ITPR2: variants seen among roughly 807,000 people sequenced by gnomAD.
ITPR2 encodes the protein inositol 1,4,5-trisphosphate-gated calcium channel ITPR2.
Under a neutral mutation model 317.1 loss-of-function variants are expected in ITPR2, and 207 were observed. That is an observed-to-expected ratio of 0.65 (90% CI 0.58 to 0.73). The LOEUF is 0.73. ITPR2 is among the 30% of genes least tolerant of loss of function. The pLI is 0.00. For missense variants in ITPR2, 2,613 were observed against 3,284.0 expected (o/e 0.80, Z 4.99); for synonymous variants, 1,156 against 1,149.1 (o/e 1.01, Z -0.12).
intron 55 of ITPR2, among the ~76,000 whole-genome samples, chr12:26,347,642 T>C (rs1234537636): frequency 6.6e-6 from 1 of 152,232 alleles, no homozygotes; most frequent in Non-Finnish European, 1.5e-5. Flanking sequence ...CTAATGGAGA[T>C]ATCTATGCTT....
rs186784970 is a variant in ITPR2 at position 26,487,019 on chromosome 12, C to T, written c.5554+49G>A. The T allele has an allele frequency of 1.6e-5, 24 of 1,465,332 alleles. No homozygotes were observed. In the African/African-American group the frequency reaches 2.9e-4, roughly 18 times the overall value. The allele number at this position is 1,465,332 out of a possible 1,614,324, so 90.8% of individuals were successfully genotyped here. A position where few individuals can be genotyped will look rare whatever the true frequency, so the allele number is the denominator to read the frequency against. The stretch of plus-strand genomic sequence containing the variant: ...TGTTAATGAGATTTAAACGCTATTC[C>T]CCTCTTTTCTCTCACTCTGTTCTCC... On this transcript the variant is annotated intron_variant, in intron 40 of 56. Coordinates refer to ENST00000381340, the MANE Select transcript of ITPR2 (RefSeq NM_002223.4).
Position 26,488,656 on chromosome 12 carries a change from AAAC to A in ITPR2, c.5371-1408_5371-1406del, listed in dbSNP as rs764464106. ...ACAGTCAAGCTGGTTTTGTTAATTC[AAAC>A]AACAAATGCAGCATCCACAGACCTC... On this transcript the variant is annotated intron_variant, in intron 39 of 56. Transcript: ENST00000381340. Among the ~76,000 whole-genome samples the A allele has an allele frequency of 8.0e-4, 121 of 152,198 alleles. 1 individual carries two copies. The highest frequency in any genetic ancestry group is 1.9e-4 in the Non-Finnish European group (13 of 68,030).
intron 55 of ITPR2, among the ~76,000 whole-genome samples, chr12:26,383,545 G>A (rs1019951529): frequency 2.0e-5 from 3 of 151,844 alleles, no homozygotes; most frequent in Admixed American, 6.6e-5. Flanking sequence ...GGGCAGTGGC[G>A]TGATCTCGGC....
intron 42 of ITPR2, among the ~76,000 whole-genome samples, chr12:26,482,326 G>A (rs1183771011): frequency 6.6e-6 from 1 of 152,124 alleles, no homozygotes; most frequent in African/African-American, 2.4e-5. Flanking sequence ...ATTATATGTG[G>A]GGTTCATGTT....
chr12:26,530,875 T>C (rs1371630170), intron 37 of ITPR2, among the ~76,000 whole-genome samples: 1 of 152,168 alleles, frequency 6.6e-6, no homozygotes, highest in East Asian at 1.9e-4. Context: ...GTCATAAAAA[T>C]TACATTCAGC....
chr12:26,561,641 A>G (rs1432353597), intron 35 of ITPR2, 121 bp downstream of exon 35: 1 of 772,958 alleles, frequency 1.3e-6, no homozygotes, highest in Non-Finnish European at 1.9e-6. Flanking sequence ...AGAGAGTTGT[A>G]AAGCAAGGCC....
At chr12:26,342,850 C>T (rs1938179066) in intron 55 of ITPR2, among the ~76,000 whole-genome samples, 1 of 151,892 alleles carries the variant, frequency 6.6e-6, no homozygotes, top group African/African-American at 2.4e-5. Context: ...CTCAAGTGAT[C>T]CGCCTGCCTC....
At chr12:26,602,241 G>C in intron 28 of ITPR2, 129 bp downstream of exon 28, 4 of 893,774 alleles carry the variant, frequency 4.5e-6, no homozygotes, top group Non-Finnish European at 6.7e-6. Flanking sequence ...GGGCTCAGGG[G>C]TGATGGGGCA....
At chr12:26,735,379 A>C (rs1240648295) in intron 2 of ITPR2, among the ~76,000 whole-genome samples, 1 of 152,156 alleles carries the variant, frequency 6.6e-6, no homozygotes, top group African/African-American at 2.4e-5. Context: ...TGGAACAGGA[A>C]GAGAAAGGGA....
At chr12:26,793,636 G>A (rs149312582) in intron 1 of ITPR2, among the ~76,000 whole-genome samples, 65 of 151,934 alleles carry the variant, frequency 4.3e-4, no homozygotes, top group African/African-American at 1.5e-3. Context: ...ACCATTATAG[G>A]GCCATCTTTA....
chr12:26,752,675 C>T (rs1949446776), intron 2 of ITPR2, among the ~76,000 whole-genome samples: 1 of 152,272 alleles, frequency 6.6e-6, no homozygotes, highest in South Asian at 2.1e-4. Flanking sequence ...TTGTTTTATG[C>T]CTTTACTTTC....
intron 45 of ITPR2, among the ~76,000 whole-genome samples, chr12:26,464,404 G>A (rs1254077730): frequency 1.3e-5 from 2 of 152,128 alleles, no homozygotes; most frequent in Non-Finnish European, 2.9e-5. Flanking sequence ...TTCACGACAA[G>A]GTTCACACTC....
chr12:26,529,328 C>T (rs1176575462), intron 37 of ITPR2, among the ~76,000 whole-genome samples: 1 of 152,202 alleles, frequency 6.6e-6, no homozygotes, highest in Non-Finnish European at 1.5e-5. Flanking sequence ...CTAGTGCTAC[C>T]TGTCACTGAG....
chr12:26,359,254 G>A (rs1250508065), intron 55 of ITPR2, among the ~76,000 whole-genome samples: 2 of 152,218 alleles, frequency 1.3e-5, no homozygotes, highest in Non-Finnish European at 2.9e-5. Context: ...AGGTCTGGAG[G>A]TGAGAAATAT....
intron 45 of ITPR2, among the ~76,000 whole-genome samples, chr12:26,447,944 C>T (rs1324767998): frequency 6.6e-6 from 1 of 150,692 alleles, no homozygotes; most frequent in Non-Finnish European, 1.5e-5. Flanking sequence ...TGGACTCTAG[C>T]CACATTTATC....
intron 2 of ITPR2, among the ~76,000 whole-genome samples, chr12:26,749,928 G>T (rs1230007708): frequency 6.6e-6 from 1 of 152,188 alleles, no homozygotes; most frequent in Middle Eastern, 3.4e-3. Flanking sequence ...GTCTAGTAGG[G>T]TTAAAACATG....
intron 37 of ITPR2, among the ~76,000 whole-genome samples, chr12:26,502,224 G>A (rs1033068360): frequency 6.6e-6 from 1 of 152,146 alleles, no homozygotes; most frequent in Non-Finnish European, 1.5e-5. Flanking sequence ...TTTAAATACA[G>A]GGTTTGCTGA....
intron 2 of ITPR2, among the ~76,000 whole-genome samples, chr12:26,731,004 A>G (rs1949018935): frequency 6.6e-6 from 1 of 152,150 alleles, no homozygotes; most frequent in African/African-American, 2.4e-5. Context: ...ACTTTCTACA[A>G]TATTTGTATC....
At chr12:26,760,736 T>C (rs1949617031) in intron 2 of ITPR2, among the ~76,000 whole-genome samples, 1 of 152,210 alleles carries the variant, frequency 6.6e-6, no homozygotes, top group African/African-American at 2.4e-5. Flanking sequence ...CGAGAAAGAC[T>C]AGAATGGAGA....
Sources: gnomAD v4.1 joint callset for allele counts (sites outside exome capture counted in the v4.1 genomes callset) on GRCh38, gnomAD v4.1.1 for gene constraint, MANE v1.5 for transcripts, NCBI Gene and HGNC (gene_info 2026-07-23, HGNC 2026-07-21) for gene names.